Variants in TTK observed in about 807,000 individuals in gnomAD.
TTK encodes dual specificity protein kinase TTK.
A neutral mutation model predicts 117.3 loss-of-function variants in TTK; 59 were observed. The observed-to-expected ratio is 0.50, with a 90% CI of 0.41 to 0.62. The LOEUF (loss-of-function observed/expected upper bound fraction) is 0.62. TTK is among the 20% of genes least tolerant of loss of function. The pLI, the probability that TTK is intolerant of heterozygous loss-of-function variation, is 0.00. For missense variants in TTK, 921 were observed against 989.4 expected, an observed-to-expected ratio of 0.93 and a Z score of 0.93; for synonymous variants, 302 against 325.0, an observed-to-expected ratio of 0.93 and a Z score of 0.76.
chr6:80,030,190 A>C (rs991343630), intron 13 of TTK, among the ~76,000 whole-genome samples: 5 of 152,182 alleles, frequency 3.3e-5, no homozygotes, highest in African/African-American at 9.7e-5. Flanking sequence ...ACCTTGTTTA[A>C]CTTGGTTAAT....
chr6:80,031,475 A>G lies in TTK; in HGVS notation c.1530A>G (p.Ala510=), dbSNP rs1767757633. Reference sequence around the variant, plus strand: ...ATATTTTACTTATTTAGGTTTTAGCATCTTCTTCAGCAAATGAATGCATTT... The same window carrying G: ...ATATTTTACTTATTTAGGTTTTAGCGTCTTCTTCAGCAAATGAATGCATTT... ...ATPLQNLQVL[A]SSSANECISV... The change falls in exon 14 of 22, where the codon GCA becomes GCG. Residue 510 remains alanine, a synonymous_variant. Coordinates refer to ENST00000369798, the MANE Select transcript of TTK (RefSeq NM_003318.5). 3 of 1,500,144 alleles carry G rather than the reference A, an allele frequency of 2.0e-6. No homozygotes were observed. The highest frequency in any genetic ancestry group is 2.7e-6 in the Non-Finnish European group (3 of 1,131,442). The allele number at this position is 1,500,144 out of a possible 1,614,324, so 92.9% of individuals were successfully genotyped here.
chr6:80,011,416 G>T lies in TTK; in HGVS notation c.614-18G>T, dbSNP rs1767145444. ...CTTATTTCTTATAAATTTAATCATA[G>T]TTTCAAAATTTTTACAGCATCTACG... is the stretch of plus-strand genomic sequence containing the variant. On this transcript the variant is annotated intron_variant, in intron 5 of 21. Coordinates refer to ENST00000369798, the MANE Select transcript of TTK (RefSeq NM_003318.5). The T allele has an allele frequency of 6.6e-7, 1 of 1,510,712 alleles. No individual in the cohort carries two copies. The highest frequency in any genetic ancestry group is 8.9e-7 in the Non-Finnish European group (1 of 1,124,038). 93.6% of individuals were successfully genotyped at this position (1,510,712 alleles called of 1,614,324 possible).
At chr6:80,041,092 A>G (rs967378490) in intron 21 of TTK, among the ~76,000 whole-genome samples, 3 of 151,734 alleles carry the variant, frequency 2.0e-5, no homozygotes, top group African/African-American at 7.2e-5. Context: ...TTGAAGCTGT[A>G]CACAGCAATC....
At chr6:80,019,112 A>G (rs1767392641) in intron 10 of TTK, among the ~76,000 whole-genome samples, 1 of 152,194 alleles carries the variant, frequency 6.6e-6, no homozygotes, top group Non-Finnish European at 1.5e-5. Flanking sequence ...TATCCATTAT[A>G]ATGAAAGGAG....
chr6:80,034,863 T>C (rs973830785), intron 14 of TTK, 122 bp from the exon 15 acceptor site: 6 of 852,242 alleles, frequency 7.0e-6, no homozygotes, highest in East Asian at 3.2e-5. Context: ...CCAGAAACTT[T>C]TAATGTTCAT....
rs150468046 is a variant in TTK at position 80,037,194 on chromosome 6, GT to G, written c.2049+598del. ...TTGGAACCAAGATGATATGTTCCATGTTTACAGATTTTTGATGTGAGTCCAC... is the reference window on the plus strand; with the variant it reads ...TTGGAACCAAGATGATATGTTCCATGTTACAGATTTTTGATGTGAGTCCAC... On this transcript the variant is annotated intron_variant, in intron 17 of 21. Transcript: ENST00000369798. 4.5e-3 allele frequency among the ~76,000 whole-genome samples: 686 copies of G among 152,222 alleles called. 5 individuals carry two copies. Among genetic ancestry groups the G allele is most frequent in the African/African-American group, 0.016 (651 of 41,564 alleles).
rs1321280304 is a variant in TTK at position 80,005,828 on chromosome 6, A to G, written c.-2-14A>G. 6.2e-7 allele frequency: 1 copy of G among 1,610,738 alleles called. No individual in the cohort carries two copies. Among genetic ancestry groups the G allele is most frequent in the Non-Finnish European group, 8.5e-7 (1 of 1,179,052 alleles). ...GTTAAAGTAGGAGTTATGACTGTTCAGTTTTTTTCTTAGAAATGGAATCCG... is the reference window on the plus strand; with the variant it reads ...GTTAAAGTAGGAGTTATGACTGTTCGGTTTTTTTCTTAGAAATGGAATCCG... On this transcript the variant is annotated splice_polypyrimidine_tract_variant and intron_variant, in intron 1 of 21. Coordinates refer to ENST00000369798, the MANE Select transcript of TTK (RefSeq NM_003318.5).
At position 80,026,281 on chromosome 6, in the gene TTK, GTTA is replaced by G. The variant is rs1009946517; in HGVS notation, c.1258-91_1258-89del. 1.0e-4 allele frequency: 127 copies of G among 1,275,020 alleles called. No individual in the cohort carries two copies. In the African/African-American group the frequency reaches 1.1e-3, roughly 11 times the overall value. The allele number at this position is 1,275,020 out of a possible 1,614,324, so 79.0% of individuals were successfully genotyped here. A position where few individuals can be genotyped will look rare whatever the true frequency, so the allele number is the denominator to read the frequency against. Reference sequence around the variant, plus strand: ...TTTAGTATGCCTTTGTATATCATATGTTATTATTTTATTTTAAAAGTTATAATA... The same window carrying G: ...TTTAGTATGCCTTTGTATATCATATGTTATTTTATTTTAAAAGTTATAATA... On this transcript the variant is annotated intron_variant, in intron 11 of 21. Transcript: ENST00000369798.
chr6:80,039,129 T>C (rs185947041), intron 18 of TTK, among the ~76,000 whole-genome samples: 1 of 152,138 alleles, frequency 6.6e-6, no homozygotes, highest in Non-Finnish European at 1.5e-5. Context: ...GGCTTAGATA[T>C]AACTATTCTA....
chr6:80,026,510 A>G lies in TTK; in HGVS notation c.1390A>G (p.Ser464Gly), dbSNP rs112880049. 6.2e-7 allele frequency: 1 copy of G among 1,613,510 alleles called. No homozygotes were observed. Among genetic ancestry groups the G allele is most frequent in the Non-Finnish European group, 8.5e-7 (1 of 1,179,798 alleles). The change falls in exon 12 of 22, where the codon AGC becomes GGC. Residue 464 changes from serine to glycine, a missense_variant. By Grantham distance (56) the Ser-to-Gly change is moderately conservative. Transcript: ENST00000369798. ...CAGCAATACCTTGGATGATTACATG[A>G]GCTGGTAATTACTTTGGCCCCTTGC... ...PSSNTLDDYM[S>G]CFRTPVVKND...
At chr6:80,042,014 G>C in intron 21 of TTK, 105 bp from the exon 22 acceptor site, 1 of 553,158 alleles carries the variant, frequency 1.8e-6, no homozygotes, top group Non-Finnish European at 3.0e-6. Flanking sequence ...AAGAACAAGA[G>C]AGAAATAAAT....
In TTK at chr6:80,039,704, C is replaced by T; in HGVS notation, c.2139C>T (p.Pro713=). 6.6e-7 allele frequency: 1 copy of T among 1,519,606 alleles called. No homozygotes were observed. The highest frequency in any genetic ancestry group is 1.4e-5 in the South Asian group (1 of 69,902). 94.1% of individuals were successfully genotyped at this position (1,519,606 alleles called of 1,614,324 possible). A position where few individuals can be genotyped will look rare whatever the true frequency, so the allele number is the denominator to read the frequency against. The change falls in exon 19 of 22, where the codon CCC becomes CCT. Residue 713 remains proline, a synonymous_variant. Transcript: ENST00000369798. ...ENGKSKSKIS[P]KSDVWSLGCI... is the part of the protein sequence containing the mutation. ...GTTTGTTTTTTTCTTAGATAAGCCC[C>T]AAAAGTGATGTTTGGTCCTTAGGAT...
chr6:80,008,296 C>T (rs1266840108), intron 3 of TTK, 90 bp from the exon 4 acceptor site: 12 of 1,288,802 alleles, frequency 9.3e-6, no homozygotes, highest in Non-Finnish European at 1.1e-6. Flanking sequence ...AAGCAATATC[C>T]CATGTTTTTT....
chr6:80,005,350 G>A (rs1766961432), intron 1 of TTK, among the ~76,000 whole-genome samples: 1 of 152,202 alleles, frequency 6.6e-6, no homozygotes, highest in African/African-American at 2.4e-5. Context: ...TAAATCTGCG[G>A]ATTTCCTAAT....
intron 4 of TTK, 79 bp from the exon 5 acceptor site, chr6:80,010,735 C>T: frequency 5.0e-6 from 7 of 1,393,038 alleles, no homozygotes; most frequent in South Asian, 4.5e-5. Flanking sequence ...TTTCTAGGTC[C>T]TGATGAATAC....
rs560447149 is a variant in TTK at position 80,013,650 on chromosome 6, T to A, written c.984+284T>A. On this transcript the variant is annotated intron_variant, in intron 9 of 21. Coordinates refer to ENST00000369798, the MANE Select transcript of TTK (RefSeq NM_003318.5). ...GTTTAAGCAGATAGTTGGCCTGGGT[T>A]TGGGAATACGTGACTGGGGGAACTG... is the stretch of plus-strand genomic sequence containing the variant. 6 of 210,490 alleles carry A rather than the reference T, an allele frequency of 2.9e-5. No homozygotes were observed. In the South Asian group the frequency reaches 8.7e-4, roughly 31 times the overall value. The allele number at this position is 210,490 out of a possible 1,614,324, so 13.0% of individuals were successfully genotyped here. A position where few individuals can be genotyped will look rare whatever the true frequency, so the allele number is the denominator to read the frequency against.
At chr6:80,037,041 C>A (rs770276628) in intron 17 of TTK, among the ~76,000 whole-genome samples, 6 of 152,074 alleles carry the variant, frequency 3.9e-5, no homozygotes, top group Non-Finnish European at 7.4e-5. Flanking sequence ...AGTGGGCCTT[C>A]ATATTGTAAA....
intron 13 of TTK, among the ~76,000 whole-genome samples, chr6:80,028,611 C>G (rs1458775735): frequency 1.3e-5 from 2 of 152,120 alleles, no homozygotes; most frequent in African/African-American, 4.8e-5. Flanking sequence ...AGCCACTGCG[C>G]CTGGCCAGCG....
chr6:80,031,130 A>G (rs1349642034), intron 13 of TTK, among the ~76,000 whole-genome samples: 1 of 150,698 alleles, frequency 6.6e-6, no homozygotes, highest in Non-Finnish European at 1.5e-5. Flanking sequence ...AGGAAAAAGA[A>G]TAGAAAAGAA....
Sources: gnomAD v4.1 joint callset for allele counts (sites outside exome capture counted in the v4.1 genomes callset) on GRCh38, gnomAD v4.1.1 for gene constraint, MANE v1.5 for transcripts, NCBI Gene and HGNC (gene_info 2026-07-23, HGNC 2026-07-21) for gene names.